NCAN: variants seen among roughly 807,000 people sequenced by gnomAD.
NCAN encodes neurocan.
In NCAN, 47 loss-of-function variants were observed where a neutral mutation model predicts 121.8. The observed-to-expected ratio is 0.39, with a 90% confidence interval of 0.31 to 0.49. The LOEUF is 0.49. Among genes scored for constraint, NCAN ranks in the 20% least tolerant of loss-of-function variants. NCAN has a pLI of 0.92. For synonymous variants in NCAN, 633 were observed against 702.0 expected (o/e 0.90, Z 1.55); for missense variants, 1,517 against 1,773.4 (o/e 0.86, Z 2.60).
chr19:19,224,428 T>TG lies in NCAN; in HGVS notation c.778+1dup. Reference sequence around the variant, plus strand: ...GATGTGTATTGCTTTGCCCGGGAGCTGGGGGGTAAGTCTGGGACTGGCAGG... The same window carrying TG: ...GATGTGTATTGCTTTGCCCGGGAGCTGGGGGGGTAAGTCTGGGACTGGCAGG... On this transcript the variant is annotated frameshift_variant, in exon 5 of 15. Coordinates refer to ENST00000252575, the MANE Select transcript of NCAN (RefSeq NM_004386.3). LOFTEE classifies it high-confidence loss of function. The TG allele has an allele frequency of 6.2e-7, 1 of 1,613,200 alleles. No individual in the cohort carries two copies. Among genetic ancestry groups the TG allele is most frequent in the Non-Finnish European group, 8.5e-7 (1 of 1,179,454 alleles).
In NCAN at chr19:19,242,004, G is replaced by A. The variant is rs989707531; in HGVS notation, c.3492+1319G>A. On this transcript the variant is annotated intron_variant, in intron 12 of 14. Transcript: ENST00000252575. ...GAGGTCAGGAGTTCCAGAAGAGCCT[G>A]GCCAATGTGGTGAAACCCCATCTCT... is the stretch of plus-strand genomic sequence containing the variant. Among the ~76,000 whole-genome samples, 5 of 152,200 alleles carry A rather than the reference G, an allele frequency of 3.3e-5. No individual in the cohort carries two copies. The East Asian group carries it at 7.8e-4, about 24-fold the overall frequency.
At chr19:19,214,727 G>GGTGTGGGTGT (rs989367237) in intron 1 of NCAN, among the ~76,000 whole-genome samples, 8 of 141,246 alleles carry the variant, frequency 5.7e-5, no homozygotes, top group African/African-American at 1.8e-4. Flanking sequence ...CTGTTAACGG[G>GGTGTGGGTGT]GTGTGTGTGT....
intron 2 of NCAN, among the ~76,000 whole-genome samples, chr19:19,217,517 G>T (rs2060800237): frequency 6.6e-6 from 1 of 152,190 alleles, no homozygotes; most frequent in African/African-American, 2.4e-5. Context: ...AATCAAATGA[G>T]CTGATTGCTA....
chr19:19,224,535 CTT>C, intron 5 of NCAN, 102 bp downstream of exon 5: 1 of 1,452,454 alleles, frequency 6.9e-7, no homozygotes, highest in Non-Finnish European at 9.3e-7. Context: ...ACTCCCCTGT[CTT>C]ATACCTCCCT....
At chr19:19,222,896 C>T (rs74943387) in intron 3 of NCAN, among the ~76,000 whole-genome samples, 1 of 152,056 alleles carries the variant, frequency 6.6e-6, no homozygotes, top group Non-Finnish European at 1.5e-5. Flanking sequence ...ATCACGAGGT[C>T]AGGAGATCAA....
intron 8 of NCAN, 59 bp downstream of exon 8, chr19:19,228,698 G>C (rs1417135028): frequency 6.6e-7 from 1 of 1,518,098 alleles, no homozygotes; most frequent in African/African-American, 1.4e-5. Flanking sequence ...TGGGGAGCAG[G>C]GGCTGGGGGA....
chr19:19,224,529 C>A lies in NCAN; in HGVS notation c.778+96C>A, dbSNP rs978880579. On this transcript the variant is annotated intron_variant, in intron 5 of 14. Transcript: ENST00000252575. Reference sequence around the variant, plus strand: ...ATCCTCCGGGGTCCTTATGCAACTCCCCTGTCTTATACCTCCCTAAACCTG... The same window carrying A: ...ATCCTCCGGGGTCCTTATGCAACTCACCTGTCTTATACCTCCCTAAACCTG... 73 of 1,493,656 alleles carry A rather than the reference C, an allele frequency of 4.9e-5. No homozygotes were observed. In the African/African-American group the frequency reaches 9.2e-4, roughly 19 times the overall value. 92.5% of individuals were successfully genotyped at this position (1,493,656 alleles called of 1,614,324 possible).
At chr19:19,220,453 T>TC (rs2060812333) in intron 3 of NCAN, among the ~76,000 whole-genome samples, 1 of 118,946 alleles carries the variant, frequency 8.4e-6, no homozygotes, top group Non-Finnish European at 1.7e-5. Flanking sequence ...GGCAATTCTT[T>TC]TTTTTTTTTT....
At position 19,212,663 on chromosome 19, in the gene NCAN, C is replaced by G. The variant is rs1206566317; in HGVS notation, c.-8+599C>G. ...CAGGTCCGGTCACCACGTTCTGACT[C>G]AGGGAGGAGGTCCTGGGGGTCCCCA... On this transcript the variant is annotated intron_variant, in intron 1 of 14. Transcript: ENST00000252575. The surrounding 1 kb of genome is among the most constrained non-coding windows in gnomAD (Gnocchi z 4.5). Among the ~76,000 whole-genome samples, 1 of 152,228 alleles carries G rather than the reference C, an allele frequency of 6.6e-6. No homozygotes were observed. The highest frequency in any genetic ancestry group is 1.5e-5 in the Non-Finnish European group (1 of 68,030).
At chr19:19,236,729 CTT>C (rs112451049) in intron 10 of NCAN, among the ~76,000 whole-genome samples, 13,554 of 136,120 alleles carry the variant, frequency 0.1, 1,135 homozygotes, top group African/African-American at 0.24. Flanking sequence ...TGTGCTTGGC[CTT>C]TTTTTTTTTT....
chr19:19,233,356 C>G (rs975992734), intron 8 of NCAN, among the ~76,000 whole-genome samples: 2 of 151,538 alleles, frequency 1.3e-5, no homozygotes, highest in African/African-American at 4.9e-5. Flanking sequence ...CAGTCTGTCA[C>G]CCAGGCTAGA....
Position 19,212,050 on chromosome 19 carries a change from C to T in NCAN, c.-22C>T. ...CCCGGCGGCCGCCCCGGGATGCGTC[C>T]GAGCTAGGAGCCAGGTGGGGGATCC... On this transcript the variant is annotated 5_prime_UTR_variant, in exon 1 of 15. Coordinates refer to ENST00000252575, the MANE Select transcript of NCAN (RefSeq NM_004386.3). This position sits in a 1 kb window ranked among gnomAD's most constrained non-coding sequence, Gnocchi z 4.5. 2 of 209,942 alleles carry T rather than the reference C, an allele frequency of 9.5e-6. No homozygotes were observed. The highest frequency in any genetic ancestry group is 4.5e-5 in the South Asian group (1 of 22,330). 13.0% of individuals were successfully genotyped at this position (209,942 alleles called of 1,614,324 possible).
intron 10 of NCAN, among the ~76,000 whole-genome samples, chr19:19,237,554 G>A (rs2060886125): frequency 6.6e-6 from 1 of 151,962 alleles, no homozygotes; most frequent in African/African-American, 2.4e-5. Flanking sequence ...ATCTCATGGT[G>A]GTTTTGACAT....
intron 14 of NCAN, chr19:19,249,107 T>G: frequency 6.0e-6 from 3 of 496,652 alleles, no homozygotes; most frequent in Non-Finnish European, 7.1e-6. Context: ...GATGGAGTTG[T>G]GCTCTGTTGC....
In NCAN at chr19:19,225,415, G is replaced by A; in HGVS notation, c.1072+145G>A. Reference sequence around the variant, plus strand: ...ATCCCTGGGTGAGGGCCACGCCCCCGGGTGAAGGCCACACCCGTTACGACA... The same window carrying A: ...ATCCCTGGGTGAGGGCCACGCCCCCAGGTGAAGGCCACACCCGTTACGACA... On this transcript the variant is annotated intron_variant, in intron 6 of 14. Transcript: ENST00000252575. The surrounding 1 kb of genome is among the most constrained non-coding windows in gnomAD (Gnocchi z 4.0). 3 of 1,056,990 alleles carry A rather than the reference G, an allele frequency of 2.8e-6. No individual in the cohort carries two copies. The highest frequency in any genetic ancestry group is 1.8e-5 in the South Asian group (1 of 55,216). The allele number at this position is 1,056,990 out of a possible 1,614,324, so 65.5% of individuals were successfully genotyped here.
At chr19:19,240,791 T>A (rs1308126687) in intron 12 of NCAN, 106 bp downstream of exon 12, 42 of 1,092,082 alleles carry the variant, frequency 3.8e-5, no homozygotes, top group Non-Finnish European at 2.8e-6. Flanking sequence ...GTGTCAGAGG[T>A]CTCTAGTGGC....
intron 12 of NCAN, among the ~76,000 whole-genome samples, chr19:19,244,557 C>T (rs539627932): frequency 6.6e-5 from 10 of 152,018 alleles, no homozygotes; most frequent in Non-Finnish European, 1.2e-4. Flanking sequence ...GATCTGACCC[C>T]CTTGGCCTCT....
chr19:19,214,373 C>A (rs1178247231), intron 1 of NCAN, among the ~76,000 whole-genome samples: 1 of 152,048 alleles, frequency 6.6e-6, no homozygotes, highest in African/African-American at 2.4e-5. Flanking sequence ...CTCTGGCCGC[C>A]CTGGGGAGGA....
At chr19:19,224,269 C>A in intron 4 of NCAN, 37 bp from the exon 5 acceptor site, 1 of 1,601,620 alleles carries the variant, frequency 6.2e-7, no homozygotes. Context: ...GCTCCAGGAG[C>A]ACACATCTGA....
Sources: allele counts gnomAD v4.1 joint callset (sites outside exome capture counted in the v4.1 genomes callset), GRCh38; gene constraint gnomAD v4.1.1; non-coding constraint Gnocchi (gnomAD v3.1); transcripts MANE v1.5; gene names NCBI Gene and HGNC (gene_info 2026-07-23, HGNC 2026-07-21).